The following INPP5J variants were observed in gnomAD, a reference collection of about 807,000 sequenced individuals.
INPP5J encodes phosphatidylinositol 4,5-bisphosphate 5-phosphatase A.
In INPP5J, 75 loss-of-function variants were observed where a neutral mutation model predicts 86.6. The observed-to-expected ratio is 0.87, with a 90% CI of 0.72 to 1.05. The LOEUF is 1.05. Among genes scored for constraint, INPP5J ranks in the 50% least tolerant of loss-of-function variants. The pLI, the probability that INPP5J is intolerant of heterozygous loss-of-function variation, is 0.00. For synonymous variants in INPP5J, 540 were observed against 550.0 expected (o/e 0.98, Z 0.25); for missense variants, 1,229 against 1,341.2 (o/e 0.92, Z 1.31).
Position 31,126,999 on chromosome 22 carries a change from C to A in INPP5J, c.1573C>A (p.Gln525Lys). The A allele has an allele frequency of 1.9e-6, 3 of 1,608,540 alleles. No homozygotes were observed. Among genetic ancestry groups the A allele is most frequent in the Non-Finnish European group, 2.5e-6 (3 of 1,177,492 alleles). The change falls in exon 5 of 13, where the codon CAG becomes AAG. Residue 525 changes from glutamine to lysine, a missense_variant. Gln to Lys is a moderately conservative substitution (Grantham distance 53). Coordinates refer to ENST00000331075, the MANE Select transcript of INPP5J (RefSeq NM_001284285.2). ...CCACCTGCCCTTCCTGCGAGACGTG[C>A]AGACCGACTGCACGCGCACTGGCCT... ...YYHLPFLRDV[Q>K]TDCTRTGLGG...
intron 1 of INPP5J, 41 bp downstream of exon 1, chr22:31,123,160 C>G (rs1921016695): frequency 1.6e-6 from 2 of 1,273,366 alleles, no homozygotes; most frequent in East Asian, 3.1e-5. Context: ...TTTCCTGATC[C>G]CTGGTTCCAC....
intron 4 of INPP5J, 74 bp downstream of exon 4, chr22:31,126,795 T>C: frequency 1.4e-6 from 2 of 1,477,826 alleles, no homozygotes; most frequent in Admixed American, 3.4e-5. Context: ...CCTGGCTCAC[T>C]GTGGGGCCCG....
rs1388502077 is a variant in INPP5J, at chr22:31,126,605, C to G, written c.1386-8C>G. The G allele has an allele frequency of 6.2e-7, 1 of 1,611,620 alleles. No homozygotes were observed. Among genetic ancestry groups the G allele is most frequent in the Non-Finnish European group, 8.5e-7 (1 of 1,177,896 alleles). ...AATCCCATGGCCACCCTGCCCCCAC[C>G]CCTCCAGGTTGCAGGAAGTGAACTC... On this transcript the variant is annotated splice_polypyrimidine_tract_variant and splice_region_variant and intron_variant, in intron 3 of 12. Coordinates refer to ENST00000331075, the MANE Select transcript of INPP5J (RefSeq NM_001284285.2).
chr22:31,122,940 T>G, upstream of INPP5J: 4 of 1,008,848 alleles, frequency 4.0e-6, no homozygotes, highest in Non-Finnish European at 4.1e-6. Flanking sequence ...AAATGGCTGA[T>G]GACATCACTG....
chr22:31,134,533 C>A lies in INPP5J; in HGVS notation c.*114C>A. 8.4e-7 allele frequency: 1 copy of A among 1,188,936 alleles called. No homozygotes were observed. Among genetic ancestry groups the A allele is most frequent in the Non-Finnish European group, 1.1e-6 (1 of 891,238 alleles). 73.6% of individuals were successfully genotyped at this position (1,188,936 alleles called of 1,614,324 possible). On this transcript the variant is annotated 3_prime_UTR_variant, in exon 13 of 13. Coordinates refer to ENST00000331075, the MANE Select transcript of INPP5J (RefSeq NM_001284285.2). ...CTGTATCTGCACCTGCCTCTCTGTC[C>A]TGGCCAGGGGTGGACAACTGGGGTC...
Position 31,127,440 on chromosome 22 carries a change from G to T in INPP5J, c.1695G>T (p.Met565Ile). The T allele has an allele frequency of 6.2e-7, 1 of 1,613,902 alleles. No homozygotes were observed. The highest frequency in any genetic ancestry group is 1.1e-5 in the South Asian group (1 of 91,046). The change falls in exon 6 of 13, where the codon ATG becomes ATT. Residue 565 changes from methionine (M) to isoleucine (I), a missense_variant. Transcript: ENST00000331075. ...TGAACTGCCACTTGCCTGCGCATAT[G>T]GACAAGGCGGAGCAGCGCAAAGACA... ...CFLNCHLPAH[M>I]DKAEQRKDNF...
intron 12 of INPP5J, 80 bp from the exon 13 acceptor site, chr22:31,133,833 A>C: frequency 3.1e-6 from 5 of 1,593,508 alleles, no homozygotes; most frequent in Non-Finnish European, 4.3e-6. Context: ...TCTGCCAACG[A>C]GAGAGGCAGA....
rs745702174 is a variant in INPP5J at position 31,125,828 on chromosome 22, C to T, written c.1089C>T (p.Pro363=). 6.2e-7 allele frequency: 1 copy of T among 1,605,004 alleles called. No individual in the cohort carries two copies. The highest frequency in any genetic ancestry group is 8.5e-7 in the Non-Finnish European group (1 of 1,175,538). Residue 363 remains proline, a synonymous_variant, in exon 2 of 13, where the codon CCC becomes CCT. Coordinates refer to ENST00000331075, the MANE Select transcript of INPP5J (RefSeq NM_001284285.2). ...SHSPNRSPCV[P]PAPDMALPRL... ...CCCCGAATCGCTCTCCCTGTGTTCCCCCAGCCCCTGACATGGCCCTCCCAA... is the reference window on the plus strand; with the variant it reads ...CCCCGAATCGCTCTCCCTGTGTTCCTCCAGCCCCTGACATGGCCCTCCCAA...
Position 31,125,311 on chromosome 22 carries a change from C to A in INPP5J, c.572C>A (p.Ser191Tyr), listed in dbSNP as rs890778941. Residue 191 changes from serine to tyrosine, a missense_variant, in exon 2 of 13, where the codon TCT (serine) becomes TAT (tyrosine). Transcript: ENST00000331075. ...AASGLSLALA[S>Y]EEQPPELPST... Reference sequence around the variant, plus strand: ...TCTGGCCTGAGCCTGGCCCTGGCTTCTGAGGAGCAGCCCCCAGAACTCCCC... The same window carrying A: ...TCTGGCCTGAGCCTGGCCCTGGCTTATGAGGAGCAGCCCCCAGAACTCCCC... 11 of 1,550,582 alleles carry A rather than the reference C, an allele frequency of 7.1e-6. No homozygotes were observed. The African/African-American group carries it at 1.4e-4, about 19-fold the overall frequency.
In INPP5J at chr22:31,125,751, C is replaced by T. The variant is rs1239754517; in HGVS notation, c.1012C>T (p.Pro338Ser). Residue 338 changes from proline to serine, a missense_variant, in exon 2 of 13, where the codon CCC (proline) becomes TCC (serine). Coordinates refer to ENST00000331075, the MANE Select transcript of INPP5J (RefSeq NM_001284285.2). The stretch of plus-strand genomic sequence containing the variant: ...TGGGGCCCCCTCAGGCCAGACTGTG[C>T]CCCCACCTCTGCCCAAGCCACCCCG... ...RPGAPSGQTV[P>S]PPLPKPPRSP... The T allele has an allele frequency of 6.5e-7, 1 of 1,550,088 alleles. No homozygotes were observed. Among genetic ancestry groups the T allele is most frequent in the East Asian group, 2.4e-5 (1 of 40,912 alleles).
At chr22:31,123,888 C>G (rs1197642858) in intron 1 of INPP5J, 1 of 152,170 alleles carries the variant, frequency 6.6e-6, no homozygotes, top group Non-Finnish European at 1.5e-5. Context: ...GCTTGCCTGT[C>G]CTTTCAGGTA....
At chr22:31,126,830 G>T in intron 4 of INPP5J, 91 bp from the exon 5 acceptor site, 1 of 1,415,160 alleles carries the variant, frequency 7.1e-7, no homozygotes, top group South Asian at 1.2e-5. Context: ...CTGGGTCCGT[G>T]ACATGGGTGG....
At position 31,133,945 on chromosome 22, in the gene INPP5J, C is replaced by T. The variant is rs778768961; in HGVS notation, c.2547C>T (p.Ser849=). 11 of 1,613,058 alleles carry T rather than the reference C, an allele frequency of 6.8e-6. No individual in the cohort carries two copies. The highest frequency in any genetic ancestry group is 9.3e-6 in the Non-Finnish European group (11 of 1,179,668). Residue 849 remains serine, a synonymous_variant, in exon 13 of 13, where the codon AGC becomes AGT. Coordinates refer to ENST00000331075, the MANE Select transcript of INPP5J (RefSeq NM_001284285.2). ...ISLPSSELAS[S]STDSSGTSSE... The stretch of plus-strand genomic sequence containing the variant: ...TGCCTTCCTCGGAGTTGGCCAGCAG[C>T]AGCACAGACAGCTCAGGCACCAGCT...
In INPP5J at chr22:31,126,987, C is replaced by G; in HGVS notation, c.1561C>G (p.Leu521Val). ...CGCCAAGTACTACCACCTGCCCTTCCTGCGAGACGTGCAGACCGACTGCAC... is the reference window on the plus strand; with the variant it reads ...CGCCAAGTACTACCACCTGCCCTTCGTGCGAGACGTGCAGACCGACTGCAC... ...LFAKYYHLPF[L>V]RDVQTDCTRT... The change falls in exon 5 of 13, where the codon CTG (leucine) becomes GTG (valine). Residue 521 changes from leucine (L) to valine (V), a missense_variant. Physicochemically the swap from Leu to Val is conservative, Grantham distance 32. Transcript: ENST00000331075. 1 of 1,610,116 alleles carries G rather than the reference C, an allele frequency of 6.2e-7. No individual in the cohort carries two copies. The highest frequency in any genetic ancestry group is 8.5e-7 in the Non-Finnish European group (1 of 1,178,250).
At chr22:31,126,775 C>T (rs562042298) in intron 4 of INPP5J, 54 bp downstream of exon 4, 2 of 1,518,254 alleles carry the variant, frequency 1.3e-6, no homozygotes, top group African/African-American at 1.4e-5. Context: ...ATTCCTGGCT[C>T]CAGCTGTACC....
chr22:31,126,447 G>C lies in INPP5J; in HGVS notation c.1343G>C (p.Gly448Ala), dbSNP rs143502790. The change falls in exon 3 of 13, where the codon GGC becomes GCC. Residue 448 changes from glycine to alanine, a missense_variant. Transcript: ENST00000331075. ...GATGTCACATCCCTCCTCCACCTGG[G>C]CGGTGGTGACGACAGCGACGGCGCA... ...PDDVTSLLHL[G>A]GGDDSDGADM... 1.2e-6 allele frequency: 2 copies of C among 1,613,838 alleles called. No individual in the cohort carries two copies. The highest frequency in any genetic ancestry group is 1.7e-5 in the Admixed American group (1 of 60,016).
intron 9 of INPP5J, among the ~76,000 whole-genome samples, chr22:31,129,402 G>A (rs1359179075): frequency 9.3e-5 from 14 of 149,758 alleles, no homozygotes; most frequent in South Asian, 4.3e-4. Flanking sequence ...CGTCATGCCC[G>A]GCTAATTTTT....
intron 5 of INPP5J, 43 bp downstream of exon 5, chr22:31,127,080 G>A (rs1921551848): frequency 2.9e-6 from 4 of 1,363,658 alleles, no homozygotes; most frequent in Admixed American, 1.9e-5. Context: ...GACATGAAGG[G>A]GGCTTTAGAT....
In INPP5J at chr22:31,133,117, T is replaced by C; in HGVS notation, c.2213T>C (p.Met738Thr). 1 of 1,565,604 alleles carries C rather than the reference T, an allele frequency of 6.4e-7. No homozygotes were observed. Among genetic ancestry groups the C allele is most frequent in the Non-Finnish European group, 8.7e-7 (1 of 1,155,090 alleles). ...FLLQFAFRDD[M>T]PLVRLEVADE... Reference sequence around the variant, plus strand: ...GGACAGTTTGCCTTCAGGGACGACATGCCACTGGTGCGGCTGGAGGTGGCA... The same window carrying C: ...GGACAGTTTGCCTTCAGGGACGACACGCCACTGGTGCGGCTGGAGGTGGCA... Residue 738 changes from methionine to threonine, a missense_variant, in exon 10 of 13, where the codon ATG becomes ACG. By Grantham distance (81) the Met-to-Thr change is moderately conservative. Coordinates refer to ENST00000331075, the MANE Select transcript of INPP5J (RefSeq NM_001284285.2).
Sources: allele counts gnomAD v4.1 joint callset (sites outside exome capture counted in the v4.1 genomes callset), GRCh38; gene constraint gnomAD v4.1.1; transcripts MANE v1.5; gene names NCBI Gene and HGNC (gene_info 2026-07-23, HGNC 2026-07-21).